Variants in PDE2A observed in about 807,000 individuals in gnomAD.
PDE2A encodes phosphodiesterase 2A.
A neutral mutation model predicts 133.6 loss-of-function variants in PDE2A; 53 were observed. The ratio of observed to expected loss-of-function variants is 0.40; its 90% CI spans 0.32 to 0.50. The LOEUF is 0.50. PDE2A is among the 20% of genes least tolerant of loss of function. The probability of loss-of-function intolerance (pLI) is 0.73; values close to 1 mark genes in which losing one functional copy is unlikely to be tolerated. For synonymous variants in PDE2A, 491 were observed against 490.2 expected (o/e 1.00, Z -0.02); for missense variants, 796 against 1,232.4 (o/e 0.65, Z 5.30).
chr11:72,587,087 GC>G, intron 13 of PDE2A, among the ~76,000 whole-genome samples: 1 of 152,216 alleles, frequency 6.6e-6, no homozygotes, highest in Non-Finnish European at 1.5e-5. Context: ...ACACCTTCAT[GC>G]TTTTTTTTCT....
chr11:72,617,536 C>T (rs990029342), intron 2 of PDE2A, among the ~76,000 whole-genome samples: 5 of 152,236 alleles, frequency 3.3e-5, no homozygotes, highest in Admixed American at 1.3e-4. Context: ...CACAGCCTCC[C>T]GCTGCTTTGT....
chr11:72,613,645 T>G (rs1297953654), intron 2 of PDE2A, among the ~76,000 whole-genome samples: 1 of 151,916 alleles, frequency 6.6e-6, no homozygotes, highest in Non-Finnish European at 1.5e-5. Context: ...CCTGCATACT[T>G]CCTGCCCCCA....
rs562617307 is a variant in PDE2A at position 72,585,268 on chromosome 11, C to T, written c.1286+103G>A. 87 of 961,220 alleles carry T rather than the reference C, an allele frequency of 9.1e-5. No individual in the cohort carries two copies. In the African/African-American group the frequency reaches 1.3e-3, roughly 14 times the overall value. 59.5% of individuals were successfully genotyped at this position (961,220 alleles called of 1,614,324 possible). A position where few individuals can be genotyped will look rare whatever the true frequency, so the allele number is the denominator to read the frequency against. ...GGATCCCTCAAAAGGTGATGAAGTC[C>T]CGCAGAAGGCAGAGAAAGGGAAGTG... On this transcript the variant is annotated intron_variant, in intron 16 of 30. Coordinates refer to ENST00000334456, the MANE Select transcript of PDE2A (RefSeq NM_002599.5).
chr11:72,626,096 G>A (rs1858049728), intron 2 of PDE2A, among the ~76,000 whole-genome samples: 1 of 152,248 alleles, frequency 6.6e-6, no homozygotes, highest in Non-Finnish European at 1.5e-5. Flanking sequence ...GGCCCTCCCT[G>A]GGCCTAGGCC....
intron 3 of PDE2A, among the ~76,000 whole-genome samples, chr11:72,606,092 G>C (rs1357396536): frequency 6.6e-6 from 1 of 151,928 alleles, no homozygotes; most frequent in Non-Finnish European, 1.5e-5. Flanking sequence ...CCCTCCCCAA[G>C]GGCCCAGAGC....
intron 2 of PDE2A, among the ~76,000 whole-genome samples, chr11:72,635,312 A>T (rs543388839): frequency 3.3e-5 from 5 of 152,304 alleles, no homozygotes; most frequent in African/African-American, 1.2e-4. Flanking sequence ...AGCGCCCACC[A>T]TTCTGAGCTA....
At chr11:72,661,865 T>A (rs923929242) in intron 1 of PDE2A, among the ~76,000 whole-genome samples, 6 of 152,248 alleles carry the variant, frequency 3.9e-5, no homozygotes, top group African/African-American at 1.2e-4. Context: ...TGCATTGATG[T>A]TCCCATTTGT....
At chr11:72,615,569 G>A (rs557486921) in intron 2 of PDE2A, among the ~76,000 whole-genome samples, 9 of 152,230 alleles carry the variant, frequency 5.9e-5, no homozygotes, top group African/African-American at 1.9e-4. Context: ...CAGATCAAGC[G>A]GGGCAGAGCC....
At chr11:72,595,295 C>T (rs1393859355) in intron 6 of PDE2A, among the ~76,000 whole-genome samples, 1 of 152,206 alleles carries the variant, frequency 6.6e-6, no homozygotes, top group African/African-American at 2.4e-5. Context: ...CCCACCTCTG[C>T]ACACAGCCCC....
chr11:72,636,550 C>A (rs1858705440), intron 2 of PDE2A, among the ~76,000 whole-genome samples: 1 of 152,138 alleles, frequency 6.6e-6, no homozygotes, highest in South Asian at 2.1e-4. Context: ...ACCTTTTGGT[C>A]CTTAAAGGGC....
chr11:72,658,855 T>C (rs1425192659), intron 1 of PDE2A, among the ~76,000 whole-genome samples: 1 of 151,614 alleles, frequency 6.6e-6, no homozygotes, highest in East Asian at 1.9e-4. Flanking sequence ...CAGCACCGAG[T>C]CTTCTAATTT....
At chr11:72,654,443 G>A (rs1854835295) in intron 1 of PDE2A, among the ~76,000 whole-genome samples, 1 of 152,172 alleles carries the variant, frequency 6.6e-6, no homozygotes, top group South Asian at 2.1e-4. Context: ...GAGCCTGGGG[G>A]AGGCTCCTCC....
At chr11:72,580,735 C>G in intron 24 of PDE2A, 111 bp from the exon 25 acceptor site, 2 of 1,065,910 alleles carry the variant, frequency 1.9e-6, no homozygotes, top group Non-Finnish European at 2.8e-6. Context: ...CTCCCTATCT[C>G]AGAGCCAGGG....
At chr11:72,581,756 C>T in intron 22 of PDE2A, 121 bp downstream of exon 22, 3 of 964,472 alleles carry the variant, frequency 3.1e-6, no homozygotes, top group South Asian at 2.7e-5. Context: ...TCCCCACCCC[C>T]ATAAGACTGG....
intron 2 of PDE2A, chr11:72,635,890 C>T: frequency 1.2e-6 from 1 of 850,616 alleles, no homozygotes; most frequent in Non-Finnish European, 1.5e-6. Context: ...TGCCTGTCTC[C>T]CTTTGCTCTC....
At chr11:72,665,422 G>C (rs1855206419) in intron 1 of PDE2A, among the ~76,000 whole-genome samples, 1 of 136,910 alleles carries the variant, frequency 7.3e-6, no homozygotes, top group Non-Finnish European at 1.6e-5. Context: ...CCTGCCTCCA[G>C]CCCCAAACCT....
chr11:72,667,159 A>G (rs1855260425), intron 1 of PDE2A, among the ~76,000 whole-genome samples: 2 of 152,172 alleles, frequency 1.3e-5, no homozygotes, highest in African/African-American at 4.8e-5. Flanking sequence ...GAGTATGTTC[A>G]CACTTTTATA....
At chr11:72,611,681 G>C (rs190733180) in intron 2 of PDE2A, among the ~76,000 whole-genome samples, 3 of 152,274 alleles carry the variant, frequency 2.0e-5, no homozygotes, top group Admixed American at 2.0e-4. Context: ...ATGAAGCCCA[G>C]GGCTCTTTGT....
Position 72,577,384 on chromosome 11 carries a change from T to C in PDE2A, c.2826A>G (p.Ter942TrpextTer33). ...GGCAGGGAAGTGTCCCTGGAGGGGA[T>C]CACTCAGCATCAAGGCTGCAGCAGC... ...INGCCSLDAE[*>W] The change falls in exon 31 of 31, where the codon TGA becomes TGG. Residue 942 changes from the stop codon to tryptophan (W), a stop_lost. Coordinates refer to ENST00000334456, the MANE Select transcript of PDE2A (RefSeq NM_002599.5). The C allele has an allele frequency of 6.2e-7, 1 of 1,610,122 alleles. No individual in the cohort carries two copies. Among genetic ancestry groups the C allele is most frequent in the Non-Finnish European group, 8.5e-7 (1 of 1,177,228 alleles).
Sources: gnomAD v4.1 joint callset for allele counts (sites outside exome capture counted in the v4.1 genomes callset) on GRCh38, gnomAD v4.1.1 for gene constraint, MANE v1.5 for transcripts, NCBI Gene and HGNC (gene_info 2026-07-23, HGNC 2026-07-21) for gene names.